The following BTBD17 variants were observed in gnomAD, a reference collection of about 807,000 sequenced individuals.
The protein encoded by BTBD17 is BTB domain containing 17.
BTBD17 carries 26 observed loss-of-function variants against 36.9 expected under a neutral mutation model. The observed-to-expected ratio is 0.70, with a 90% confidence interval of 0.52 to 0.98. The LOEUF is 0.98. Ranked by LOEUF, BTBD17 falls within the 50% of genes least tolerant of loss-of-function variation. The pLI is 0.00. For synonymous variants in BTBD17, 341 were observed against 338.0 expected, an observed-to-expected ratio of 1.01 and a Z score of -0.10; for missense variants, 630 against 691.3, an observed-to-expected ratio of 0.91 and a Z score of 0.99.
At chr17:74,362,017 A>G, upstream of BTBD17, 1 of 552,804 alleles carries the variant, frequency 1.8e-6, no homozygotes, top group African/African-American at 1.9e-5. Context: ...CTTAAGCCAG[A>G]GAGCGGCAGC....
chr17:74,359,923 G>T, intron 2 of BTBD17, 46 bp downstream of exon 2: 1 of 1,574,622 alleles, frequency 6.4e-7, no homozygotes, highest in African/African-American at 1.3e-5. Flanking sequence ...AGGAGCCGGG[G>T]GCTGAGGAAG....
In BTBD17 at chr17:74,356,674, T is replaced by A; in HGVS notation, c.1420A>T (p.Ile474Phe). ...LIVKPVYHTL[I>F]RTPK ...CCCCGAGGCTACTTGGGGGTCCGGATAAGGGTGTGGTATACGGGCTTGACG... is the reference window on the plus strand; with the variant it reads ...CCCCGAGGCTACTTGGGGGTCCGGAAAAGGGTGTGGTATACGGGCTTGACG... Residue 474 changes from isoleucine (I) to phenylalanine (F), a missense_variant, in exon 3 of 3, where the codon ATC becomes TTC. Coordinates refer to ENST00000375366, the MANE Select transcript of BTBD17 (RefSeq NM_001080466.2). This position sits in a 1 kb window ranked among gnomAD's most constrained non-coding sequence, Gnocchi z 4.3. 2.6e-6 allele frequency: 4 copies of A among 1,553,466 alleles called. No individual in the cohort carries two copies. Among genetic ancestry groups the A allele is most frequent in the Non-Finnish European group, 3.5e-6 (4 of 1,146,102 alleles).
Position 74,361,726 on chromosome 17 carries a change from C to A in BTBD17, c.85+9G>T, listed in dbSNP as rs2054940587. The A allele has an allele frequency of 1.2e-6, 2 of 1,610,610 alleles. No individual in the cohort carries two copies. The highest frequency in any genetic ancestry group is 8.5e-7 in the Non-Finnish European group (1 of 1,178,126). On this transcript the variant is annotated intron_variant, in intron 1 of 2. Coordinates refer to ENST00000375366, the MANE Select transcript of BTBD17 (RefSeq NM_001080466.2). ...ACCCTGCCCCGCACCTGGCCCACTGCCCGCTCACCTGCATGGGTGACCAGG... is the reference window on the plus strand; with the variant it reads ...ACCCTGCCCCGCACCTGGCCCACTGACCGCTCACCTGCATGGGTGACCAGG...
At chr17:74,363,100 A>C (rs1183650959), upstream of BTBD17, among the ~76,000 whole-genome samples, 1 of 152,024 alleles carries the variant, frequency 6.6e-6, no homozygotes, top group Non-Finnish European at 1.5e-5. Context: ...GTGACTCCCA[A>C]GGGATCTGAC....
At position 74,356,468 on chromosome 17, in the gene BTBD17, A is replaced by C. The variant is rs935233732; in HGVS notation, c.*189T>G. 9 of 936,486 alleles carry C rather than the reference A, an allele frequency of 9.6e-6. No individual in the cohort carries two copies. The African/African-American group carries it at 1.2e-4, about 12-fold the overall frequency. The allele number at this position is 936,486 out of a possible 1,614,324, so 58.0% of individuals were successfully genotyped here. A position where few individuals can be genotyped will look rare whatever the true frequency, so the allele number is the denominator to read the frequency against. On this transcript the variant is annotated 3_prime_UTR_variant, in exon 3 of 3. Coordinates refer to ENST00000375366, the MANE Select transcript of BTBD17 (RefSeq NM_001080466.2). This position sits in a 1 kb window ranked among gnomAD's most constrained non-coding sequence, Gnocchi z 4.3. ...AGGACCAAGAACGTTCCTTCAAGTC[A>C]GCTGTGAAATCAGCTCTTGAAACCA...
In BTBD17 at chr17:74,357,771, T is replaced by TGGGTACCGCCCTG; in HGVS notation, c.363-41_363-40insCAGGGCGGTACCC. 1 of 1,464,664 alleles carries TGGGTACCGCCCTG rather than the reference T, an allele frequency of 6.8e-7. No homozygotes were observed. Among genetic ancestry groups the TGGGTACCGCCCTG allele is most frequent in the Non-Finnish European group, 9.1e-7 (1 of 1,094,082 alleles). 90.7% of individuals were successfully genotyped at this position (1,464,664 alleles called of 1,614,324 possible). Reference sequence around the variant, plus strand: ...GAGAGGTGGGGCGGGGTCAGGGCGGTACCCACCTCCCAGGATAGATTTTTT... The same window carrying TGGGTACCGCCCTG: ...GAGAGGTGGGGCGGGGTCAGGGCGGTGGGTACCGCCCTGACCCACCTCCCAGGATAGATTTTTT... On this transcript the variant is annotated intron_variant, in intron 2 of 2. Coordinates refer to ENST00000375366, the MANE Select transcript of BTBD17 (RefSeq NM_001080466.2). The surrounding 1 kb of genome is among the most constrained non-coding windows in gnomAD (Gnocchi z 8.4).
chr17:74,362,642 C>T (rs1157662090), upstream of BTBD17, among the ~76,000 whole-genome samples: 2 of 152,222 alleles, frequency 1.3e-5, no homozygotes, highest in Admixed American at 6.5e-5. Flanking sequence ...TCTAGCTCTG[C>T]GCTCCAGCCA....
intron 1 of BTBD17, among the ~76,000 whole-genome samples, chr17:74,360,800 C>T (rs991427210): frequency 2.0e-5 from 3 of 152,146 alleles, no homozygotes; most frequent in Admixed American, 1.3e-4. Context: ...ACGGGTAAGA[C>T]ACACACAAAT....
chr17:74,361,615 G>GA (rs2054938879), intron 1 of BTBD17, 120 bp downstream of exon 1: 1 of 748,496 alleles, frequency 1.3e-6, no homozygotes, highest in African/African-American at 1.8e-5. Flanking sequence ...GAGCTGTCCG[G>GA]TCCACCCCGT....
Position 74,360,090 on chromosome 17 carries a change from G to A in BTBD17, c.241C>T (p.His81Tyr). 1 of 1,613,170 alleles carries A rather than the reference G, an allele frequency of 6.2e-7. No homozygotes were observed. Among genetic ancestry groups the A allele is most frequent in the East Asian group, 2.2e-5 (1 of 44,890 alleles). Residue 81 changes from histidine (H) to tyrosine (Y), a missense_variant, in exon 2 of 3, where the codon CAC becomes TAC. Coordinates refer to ENST00000375366, the MANE Select transcript of BTBD17 (RefSeq NM_001080466.2). Reference protein sequence around the residue: ...AAGTDEVRVFHAHRLLLGLHS... With the variant: ...AAGTDEVRVFYAHRLLLGLHS... ...AGTCCCAGCAGCAGGCGGTGGGCGT[G>A]GAATACCCGGACCTCATCGGTGCCC...
At chr17:74,363,267 T>C (rs574485519), upstream of BTBD17, among the ~76,000 whole-genome samples, 2 of 152,264 alleles carry the variant, frequency 1.3e-5, no homozygotes, top group South Asian at 4.1e-4. Flanking sequence ...GAGCAAGAAC[T>C]GGGTCTGGCA....
rs773647518 is a variant in BTBD17, at chr17:74,357,314, G to A, written c.780C>T (p.Ile260=). Residue 260 remains isoleucine, a synonymous_variant, in exon 3 of 3, where the codon ATC becomes ATT. Transcript: ENST00000375366. This position sits in a 1 kb window ranked among gnomAD's most constrained non-coding sequence, Gnocchi z 8.4. ...RALRAIRYPM[I]PPAQLFQLQA... is the part of the protein sequence containing the mutation. ...GCAGCTGGAACAGCTGTGCCGGTGG[G>A]ATCATGGGGTAGCGTATGGCGCGCA... The A allele has an allele frequency of 1.9e-6, 3 of 1,560,152 alleles. No homozygotes were observed. The African/African-American group carries it at 4.1e-5, about 22-fold the overall frequency.
chr17:74,356,844 G>T lies in BTBD17; in HGVS notation c.1250C>A (p.Ala417Glu). The change falls in exon 3 of 3, where the codon GCG becomes GAG. Residue 417 changes from alanine (A) to glutamate (E), a missense_variant. Ala to Glu is a moderately radical substitution (Grantham distance 107). Coordinates refer to ENST00000375366, the MANE Select transcript of BTBD17 (RefSeq NM_001080466.2). The surrounding 1 kb of genome is among the most constrained non-coding windows in gnomAD (Gnocchi z 4.3). ...GACCAGCAGGCGGCCCTGCTGGCGC[G>T]CCCCCACCAGCACCGTCTTCTGGAA... is the stretch of plus-strand genomic sequence containing the variant. ...VSFQKTVLVG[A>E]RQQGRLLVRH... is the part of the protein sequence containing the mutation. 1 of 1,558,392 alleles carries T rather than the reference G, an allele frequency of 6.4e-7. No individual in the cohort carries two copies. The highest frequency in any genetic ancestry group is 8.6e-7 in the Non-Finnish European group (1 of 1,160,036).
chr17:74,357,787 T>C lies in BTBD17; in HGVS notation c.363-56A>G, dbSNP rs1011596677. 1 of 1,391,888 alleles carries C rather than the reference T, an allele frequency of 7.2e-7. No individual in the cohort carries two copies. The highest frequency in any genetic ancestry group is 9.6e-7 in the Non-Finnish European group (1 of 1,039,586). 86.2% of individuals were successfully genotyped at this position (1,391,888 alleles called of 1,614,324 possible). On this transcript the variant is annotated intron_variant, in intron 2 of 2. Coordinates refer to ENST00000375366, the MANE Select transcript of BTBD17 (RefSeq NM_001080466.2). The surrounding 1 kb of genome is among the most constrained non-coding windows in gnomAD (Gnocchi z 8.4). Reference sequence around the variant, plus strand: ...TCAGGGCGGTACCCACCTCCCAGGATAGATTTTTTAGAGTCCACAGGGGAC... The same window carrying C: ...TCAGGGCGGTACCCACCTCCCAGGACAGATTTTTTAGAGTCCACAGGGGAC...
rs369569004 is a variant in BTBD17 at position 74,357,435 on chromosome 17, G to T, written c.659C>A (p.Ser220Ter). Residue 220 changes from serine (S) to a stop codon, truncating the protein, a stop_gained, in exon 3 of 3, where the codon TCG becomes TAG. Coordinates refer to ENST00000375366, the MANE Select transcript of BTBD17 (RefSeq NM_001080466.2). LOFTEE classifies it high-confidence loss of function. This position sits in a 1 kb window ranked among gnomAD's most constrained non-coding sequence, Gnocchi z 8.4. ...PELLWQLLQR[S>*]DLVLQDELEL... is the part of the protein sequence containing the mutation. The stretch of plus-strand genomic sequence containing the variant: ...CAGTTCATCCTGCAGCACCAGGTCC[G>T]AGCGTTGCAGGAGCTGCCAGAGCAG... 2.5e-6 allele frequency: 4 copies of T among 1,583,950 alleles called. No homozygotes were observed. The highest frequency in any genetic ancestry group is 3.4e-6 in the Non-Finnish European group (4 of 1,173,564).
rs376237249 is a variant in BTBD17, at chr17:74,361,728, C to G, written c.85+7G>C. The G allele has an allele frequency of 6.2e-7, 1 of 1,611,498 alleles. No homozygotes were observed. Among genetic ancestry groups the G allele is most frequent in the Non-Finnish European group, 8.5e-7 (1 of 1,178,464 alleles). ...CCTGCCCCGCACCTGGCCCACTGCCCGCTCACCTGCATGGGTGACCAGGCC... is the reference window on the plus strand; with the variant it reads ...CCTGCCCCGCACCTGGCCCACTGCCGGCTCACCTGCATGGGTGACCAGGCC... On this transcript the variant is annotated splice_region_variant and intron_variant, in intron 1 of 2. Coordinates refer to ENST00000375366, the MANE Select transcript of BTBD17 (RefSeq NM_001080466.2).
At chr17:74,359,369 TTGGTTGG>T (rs2054921310) in intron 2 of BTBD17, among the ~76,000 whole-genome samples, 13 of 150,258 alleles carry the variant, frequency 8.7e-5, no homozygotes, top group African/African-American at 3.0e-4. Flanking sequence ...GTTTGTTTGG[TTGGTTGG>T]TTGGTTGGTT....
In BTBD17 at chr17:74,359,351, TTTTG is replaced by T. The variant is rs201707423; in HGVS notation, c.362+614_362+617del. On this transcript the variant is annotated intron_variant, in intron 2 of 2. Coordinates refer to ENST00000375366, the MANE Select transcript of BTBD17 (RefSeq NM_001080466.2). ...GTTGGGATCCGTGAAACTGTAGTTT[TTTTG>T]TTTGTTTGTTTGGTTGGTTGGTTGG... Among the ~76,000 whole-genome samples, 394 of 152,240 alleles carry T rather than the reference TTTTG, an allele frequency of 2.6e-3. 5 individuals carry two copies. The highest frequency in any genetic ancestry group is 8.6e-3 in the African/African-American group (355 of 41,518).
At position 74,360,141 on chromosome 17, in the gene BTBD17, C is replaced by T. The variant is rs778703085; in HGVS notation, c.190G>A (p.Asp64Asn). The T allele has an allele frequency of 1.6e-5, 26 of 1,612,680 alleles. No homozygotes were observed. In the African/African-American group the frequency reaches 2.3e-4, roughly 14 times the overall value. The change falls in exon 2 of 3, where the codon GAT (aspartate) becomes AAT (asparagine). Residue 64 changes from aspartate (D) to asparagine (N), a missense_variant. Asp to Asn is a conservative substitution (Grantham distance 23, BLOSUM62 1). Coordinates refer to ENST00000375366, the MANE Select transcript of BTBD17 (RefSeq NM_001080466.2). ...GCAGCCTGCACCCGCAGAACCACATCGCTGGCGTTGCCCTGCCGCAGCAGC... is the reference window on the plus strand; with the variant it reads ...GCAGCCTGCACCCGCAGAACCACATTGCTGGCGTTGCCCTGCCGCAGCAGC... ...QELLRQGNAS[D>N]VVLRVQAAGT... is the part of the protein sequence containing the mutation.
Sources: gnomAD v4.1 joint callset for allele counts (sites outside exome capture counted in the v4.1 genomes callset) on GRCh38, gnomAD v4.1.1 for gene constraint, Gnocchi (gnomAD v3.1) non-coding constraint, MANE v1.5 for transcripts, NCBI Gene and HGNC (gene_info 2026-07-23, HGNC 2026-07-21) for gene names.